Variants in DAP observed in about 807,000 individuals in gnomAD.
DAP encodes death associated protein, also known as death-associated protein 1.
In DAP, 8 loss-of-function variants were observed where a neutral mutation model predicts 13.8. The observed-to-expected ratio is 0.58, with a 90% CI of 0.34 to 1.05. The LOEUF is 1.05. DAP is among the 50% of genes least tolerant of loss of function. DAP has a pLI of 0.03. For missense variants in DAP, 106 were observed against 133.2 expected (o/e 0.80, Z 1.01); for synonymous variants, 47 against 47.5 (o/e 0.99, Z 0.04).
chr5:10,743,391 G>A (rs1178856367), intron 2 of DAP, among the ~76,000 whole-genome samples: 2 of 152,186 alleles, frequency 1.3e-5, no homozygotes, highest in East Asian at 3.9e-4. Flanking sequence ...GTGTGAAACA[G>A]TGCCATGGTT....
intron 1 of DAP, among the ~76,000 whole-genome samples, chr5:10,754,753 T>C (rs1239116011): frequency 6.6e-6 from 1 of 152,126 alleles, no homozygotes; most frequent in Non-Finnish European, 1.5e-5. Context: ...TGGAAGTGCT[T>C]TGGAAAAGCT....
At chr5:10,688,544 G>A (rs1399356333) in intron 2 of DAP, among the ~76,000 whole-genome samples, 2 of 152,184 alleles carry the variant, frequency 1.3e-5, no homozygotes, top group African/African-American at 4.8e-5. Context: ...GCCTGGAGCA[G>A]ACCCTGCAAT....
chr5:10,729,742 T>C (rs184042567), intron 2 of DAP, among the ~76,000 whole-genome samples: 1 of 152,194 alleles, frequency 6.6e-6, no homozygotes, highest in East Asian at 1.9e-4. Context: ...CCATACATCC[T>C]GAAGCCATGT....
intron 2 of DAP, among the ~76,000 whole-genome samples, chr5:10,725,589 C>T (rs1299488100): frequency 6.6e-6 from 1 of 152,214 alleles, no homozygotes; most frequent in African/African-American, 2.4e-5. Flanking sequence ...ATCACTGAAA[C>T]TCCTCTGTCT....
chr5:10,742,501 T>C (rs1451942360), intron 2 of DAP, among the ~76,000 whole-genome samples: 2 of 152,314 alleles, frequency 1.3e-5, no homozygotes, highest in East Asian at 1.9e-4. Flanking sequence ...CACTCCAGCA[T>C]GGGCAACAAG....
chr5:10,690,038 GAAAT>G (rs1275382886), intron 2 of DAP, among the ~76,000 whole-genome samples: 3 of 152,214 alleles, frequency 2.0e-5, no homozygotes, highest in Admixed American at 6.5e-5. Flanking sequence ...GCACTGGTAA[GAAAT>G]AAGGCACTGA....
intron 1 of DAP, among the ~76,000 whole-genome samples, chr5:10,754,839 TG>T (rs1166044824): frequency 6.6e-6 from 1 of 152,178 alleles, no homozygotes; most frequent in African/African-American, 2.4e-5. Context: ...GTAGTTGGAT[TG>T]GGGGCATCAA....
Position 10,680,824 on chromosome 5 carries a change from A to AG in DAP, c.*231dup. The AG allele has an allele frequency of 3.9e-6, 6 of 1,536,892 alleles. No homozygotes were observed. Among genetic ancestry groups the AG allele is most frequent in the Non-Finnish European group, 5.2e-6 (6 of 1,147,048 alleles). On this transcript the variant is annotated 3_prime_UTR_variant, in exon 4 of 4. Transcript: ENST00000230895. ...GGCAAATTCTGCTAATGGCACCTCT[A>AG]GGGGCACAATGATCCTCAAATGACA...
rs115790122 is a variant in DAP, at chr5:10,698,411, C to T, written c.153-14840G>A. On this transcript the variant is annotated intron_variant, in intron 2 of 3. Transcript: ENST00000230895. ...ATAACTTACGTTCAACCCAACAACCCTACCTTCACCCACGTTTATAGCAAA... is the reference window on the plus strand; with the variant it reads ...ATAACTTACGTTCAACCCAACAACCTTACCTTCACCCACGTTTATAGCAAA... Among the ~76,000 whole-genome samples, 278 of 152,156 alleles carry T rather than the reference C, an allele frequency of 1.8e-3. 1 individual carries two copies. Among genetic ancestry groups the T allele is most frequent in the Admixed American group, 3.3e-3 (51 of 15,286 alleles).
intron 2 of DAP, among the ~76,000 whole-genome samples, chr5:10,722,669 C>T (rs1275132409): frequency 6.6e-6 from 1 of 151,200 alleles, no homozygotes; most frequent in Non-Finnish European, 1.5e-5. Context: ...TGCAAGTGGT[C>T]AGATGCTGGC....
At chr5:10,757,604 C>T (rs1052855130) in intron 1 of DAP, among the ~76,000 whole-genome samples, 4 of 152,228 alleles carry the variant, frequency 2.6e-5, no homozygotes, top group East Asian at 3.9e-4. Context: ...GCACTGTCCT[C>T]GGTATCTCAA....
intron 2 of DAP, among the ~76,000 whole-genome samples, chr5:10,744,617 G>A (rs1739855801): frequency 1.3e-5 from 2 of 152,186 alleles, no homozygotes; most frequent in South Asian, 4.1e-4. Flanking sequence ...TCAGGGGCAA[G>A]GGCTTCCAAA....
At chr5:10,690,083 C>T (rs976581699) in intron 2 of DAP, among the ~76,000 whole-genome samples, 23 of 150,276 alleles carry the variant, frequency 1.5e-4, no homozygotes, top group Non-Finnish European at 3.1e-4. Flanking sequence ...CCAGCACTTC[C>T]GCAGGCGAGG....
At chr5:10,702,549 C>T (rs1738607047) in intron 2 of DAP, among the ~76,000 whole-genome samples, 1 of 152,170 alleles carries the variant, frequency 6.6e-6, no homozygotes, top group Non-Finnish European at 1.5e-5. Flanking sequence ...TTAGAGGGAG[C>T]TCAGGCTAAC....
rs568426441 is a variant in DAP, at chr5:10,707,320, C to T, written c.153-23749G>A. ...TGAGAGGCAGACATGTGGGTGGGTTCGGGAATGGGAGAACTGCCCAAGGGT... is the reference window on the plus strand; with the variant it reads ...TGAGAGGCAGACATGTGGGTGGGTTTGGGAATGGGAGAACTGCCCAAGGGT... On this transcript the variant is annotated intron_variant, in intron 2 of 3. Transcript: ENST00000230895. The surrounding 1 kb of genome is among the most constrained non-coding windows in gnomAD (Gnocchi z 4.0). Among the ~76,000 whole-genome samples the T allele has an allele frequency of 3.9e-5, 6 of 152,256 alleles. No individual in the cohort carries two copies. Among genetic ancestry groups the T allele is most frequent in the Admixed American group, 2.0e-4 (3 of 15,298 alleles).
chr5:10,711,479 C>A (rs1227233842), intron 2 of DAP, among the ~76,000 whole-genome samples: 1 of 152,252 alleles, frequency 6.6e-6, no homozygotes, highest in Non-Finnish European at 1.5e-5. Context: ...TGACTGCCCC[C>A]ACACTGGTCC....
At chr5:10,732,888 A>G (rs1739500320) in intron 2 of DAP, among the ~76,000 whole-genome samples, 1 of 152,232 alleles carries the variant, frequency 6.6e-6, no homozygotes, top group African/African-American at 2.4e-5. Flanking sequence ...TTGTTGAGAA[A>G]CAGATCTCCA....
intron 2 of DAP, among the ~76,000 whole-genome samples, chr5:10,703,777 G>A (rs1738635958): frequency 6.6e-6 from 1 of 152,220 alleles, no homozygotes; most frequent in Non-Finnish European, 1.5e-5. Context: ...CTGGGTGTGG[G>A]GGGCACAGGG....
chr5:10,680,482 T>C lies in DAP; in HGVS notation c.*574A>G. 1 of 538,614 alleles carries C rather than the reference T, an allele frequency of 1.9e-6. No homozygotes were observed. 33.4% of individuals were successfully genotyped at this position (538,614 alleles called of 1,614,324 possible). A position where few individuals can be genotyped will look rare whatever the true frequency, so the allele number is the denominator to read the frequency against. On this transcript the variant is annotated 3_prime_UTR_variant, in exon 4 of 4. Coordinates refer to ENST00000230895, the MANE Select transcript of DAP (RefSeq NM_004394.3). ...GAGGGGCTATTTCTAAGATGCATGC[T>C]TTTTCGGCTTTTCTCATGGGTGCCT...
Sources: gnomAD v4.1 joint callset for allele counts (sites outside exome capture counted in the v4.1 genomes callset) on GRCh38, gnomAD v4.1.1 for gene constraint, Gnocchi (gnomAD v3.1) non-coding constraint, MANE v1.5 for transcripts, NCBI Gene and HGNC (gene_info 2026-07-23, HGNC 2026-07-21) for gene names.